RIC1: variants seen among roughly 807,000 people sequenced by gnomAD.
RIC1 encodes the protein guanine nucleotide exchange factor subunit RIC1.
A neutral mutation model predicts 169.0 loss-of-function variants in RIC1; 88 were observed. The observed-to-expected ratio is 0.52, with a 90% CI of 0.44 to 0.62. The LOEUF is 0.62. Among genes scored for constraint, RIC1 ranks in the 20% least tolerant of loss-of-function variants. RIC1 has a pLI of 0.00. For missense variants in RIC1, 1,877 were observed against 1,725.5 expected (o/e 1.09, Z -1.56); for synonymous variants, 790 against 601.5 (o/e 1.31, Z -4.59).
intron 2 of RIC1, among the ~76,000 whole-genome samples, chr9:5,677,137 C>T (rs534404856): frequency 2.0e-4 from 30 of 152,278 alleles, no homozygotes; most frequent in African/African-American, 5.8e-4. Context: ...TTTACATTCC[C>T]GCTAGCAGTG....
At chr9:5,739,500 A>C (rs1429817895) in intron 8 of RIC1, among the ~76,000 whole-genome samples, 1 of 152,038 alleles carries the variant, frequency 6.6e-6, no homozygotes, top group Non-Finnish European at 1.5e-5. Flanking sequence ...CCCATAGTGC[A>C]CCTCCTCATG....
At chr9:5,730,658 CTT>C (rs1380106550) in intron 6 of RIC1, among the ~76,000 whole-genome samples, 8 of 152,000 alleles carry the variant, frequency 5.3e-5, no homozygotes, top group African/African-American at 1.9e-4. Flanking sequence ...TATTGGGAGA[CTT>C]TTGGGTACTC....
intron 1 of RIC1, among the ~76,000 whole-genome samples, chr9:5,635,365 G>C (rs1817922383): frequency 6.6e-6 from 1 of 152,104 alleles, no homozygotes; most frequent in African/African-American, 2.4e-5. Context: ...GATAGTGTAA[G>C]ATAAGGGTCC....
chr9:5,767,035 G>T (rs1188901870), intron 21 of RIC1, among the ~76,000 whole-genome samples: 3 of 152,192 alleles, frequency 2.0e-5, no homozygotes, highest in Non-Finnish European at 4.4e-5. Flanking sequence ...ATTCTTGCAG[G>T]AGTAAGGTGG....
At position 5,763,934 on chromosome 9, in the gene RIC1, C is replaced by T. The variant is rs114731041; in HGVS notation, c.2841+66C>T. On this transcript the variant is annotated intron_variant, in intron 19 of 25. Coordinates refer to ENST00000414202, the MANE Select transcript of RIC1 (RefSeq NM_020829.4). This position sits in a 1 kb window ranked among gnomAD's most constrained non-coding sequence, Gnocchi z 5.2. ...CTTAAACTTAGAAAAATAGAAATGTCCTGTTTTGACACCATGATTGTGTTT... is the reference window on the plus strand; with the variant it reads ...CTTAAACTTAGAAAAATAGAAATGTTCTGTTTTGACACCATGATTGTGTTT... 1.9e-3 allele frequency: 2,789 copies of T among 1,473,900 alleles called. 39 individuals carry two copies. The African/African-American group carries it at 0.032, about 17-fold the overall frequency. 91.3% of individuals were successfully genotyped at this position (1,473,900 alleles called of 1,614,324 possible).
chr9:5,732,566 A>G, intron 7 of RIC1, 87 bp downstream of exon 7: 3 of 777,376 alleles, frequency 3.9e-6, no homozygotes, highest in African/African-American at 1.8e-5. Context: ...TGTTCCTAAC[A>G]TACTTATAAA....
chr9:5,682,631 T>C (rs1336843275), intron 2 of RIC1, among the ~76,000 whole-genome samples: 2 of 152,204 alleles, frequency 1.3e-5, no homozygotes, highest in African/African-American at 2.4e-5. Flanking sequence ...CTGACAATTA[T>C]GTGTCTTGGA....
At chr9:5,743,767 G>T (rs1412683584) in intron 10 of RIC1, 30 bp downstream of exon 10, 1 of 1,520,160 alleles carries the variant, frequency 6.6e-7, no homozygotes, top group African/African-American at 1.4e-5. Flanking sequence ...AATTGGCATG[G>T]TATTAAAAAA....
chr9:5,702,008 C>G (rs1307143886), intron 3 of RIC1, among the ~76,000 whole-genome samples: 1 of 152,192 alleles, frequency 6.6e-6, no homozygotes, highest in African/African-American at 2.4e-5. Context: ...GGACACTCAT[C>G]TTTACTCATT....
In RIC1 at chr9:5,713,934, A is replaced by C; in HGVS notation, c.371A>C (p.Glu124Ala). The C allele has an allele frequency of 6.2e-7, 1 of 1,613,288 alleles. No homozygotes were observed. The highest frequency in any genetic ancestry group is 1.3e-5 in the African/African-American group (1 of 75,016). The change falls in exon 4 of 26, where the codon GAA (glutamate) becomes GCA (alanine). Residue 124 changes from glutamate (E) to alanine (A), a missense_variant. Coordinates refer to ENST00000414202, the MANE Select transcript of RIC1 (RefSeq NM_020829.4). ...ATGAAGGGGACACCCCATTTTAAGG[A>C]AGAACAGTGTGCTCCAGCATTAAAT... ...PQMKGTPHFK[E>A]EQCAPALNLE...
intron 2 of RIC1, among the ~76,000 whole-genome samples, chr9:5,680,720 C>T (rs987922015): frequency 6.7e-6 from 1 of 149,392 alleles, no homozygotes. Flanking sequence ...TTTATTGCGT[C>T]TGTTTGATTC....
chr9:5,709,342 G>T (rs1272489322), intron 3 of RIC1, among the ~76,000 whole-genome samples: 1 of 152,124 alleles, frequency 6.6e-6, no homozygotes, highest in Non-Finnish European at 1.5e-5. Context: ...CGTGCAGACA[G>T]AGGTTACTGT....
At chr9:5,662,573 G>A (rs1487180061) in intron 2 of RIC1, among the ~76,000 whole-genome samples, 1 of 151,944 alleles carries the variant, frequency 6.6e-6, no homozygotes, top group South Asian at 2.1e-4. Context: ...TAGGGAGGGT[G>A]TATGTGTCCA....
At chr9:5,632,165 T>C (rs1024657119) in intron 1 of RIC1, among the ~76,000 whole-genome samples, 17 of 152,230 alleles carry the variant, frequency 1.1e-4, no homozygotes, top group Non-Finnish European at 1.9e-4. Context: ...CCTGAAATTT[T>C]GTTAGGGCTC....
At chr9:5,677,714 AAC>A (rs756201715) in intron 2 of RIC1, among the ~76,000 whole-genome samples, 27 of 152,098 alleles carry the variant, frequency 1.8e-4, no homozygotes, top group Non-Finnish European at 3.7e-4. Context: ...TAAACATTAA[AAC>A]ACAGGAAAAG....
At chr9:5,699,913 G>A (rs1822116314) in intron 3 of RIC1, among the ~76,000 whole-genome samples, 1 of 152,068 alleles carries the variant, frequency 6.6e-6, no homozygotes. Context: ...TATAGTCAGT[G>A]ATGTGTAAAC....
chr9:5,777,958 G>T (rs1242990098), downstream of RIC1, among the ~76,000 whole-genome samples: 1 of 152,120 alleles, frequency 6.6e-6, no homozygotes, highest in Non-Finnish European at 1.5e-5. Context: ...ATTTCCATAT[G>T]AATTGCAGGA....
At chr9:5,689,110 G>A (rs975816295) in intron 2 of RIC1, among the ~76,000 whole-genome samples, 3 of 145,160 alleles carry the variant, frequency 2.1e-5, no homozygotes, top group East Asian at 2.0e-4. Flanking sequence ...GTGCAGTGGC[G>A]CGATCTTAGC....
intron 1 of RIC1, among the ~76,000 whole-genome samples, chr9:5,643,785 A>G (rs923556015): frequency 2.6e-5 from 4 of 152,218 alleles, no homozygotes; most frequent in African/African-American, 9.6e-5. Flanking sequence ...CAATTTATTT[A>G]ATCAGAAAAA....
Sources: allele counts gnomAD v4.1 joint callset (sites outside exome capture counted in the v4.1 genomes callset), GRCh38; gene constraint gnomAD v4.1.1; non-coding constraint Gnocchi (gnomAD v3.1); transcripts MANE v1.5; gene names NCBI Gene and HGNC (gene_info 2026-07-23, HGNC 2026-07-21).